FBXW11: variants seen among roughly 807,000 people sequenced by gnomAD.
FBXW11 encodes the protein F-box/WD repeat-containing protein 11.
Under a neutral mutation model 77.6 loss-of-function variants are expected in FBXW11, and 19 were observed. The observed-to-expected ratio is 0.24, with a 90% confidence interval of 0.17 to 0.36. The LOEUF (loss-of-function observed/expected upper bound fraction) is 0.36, where lower values mean the gene tolerates loss of function less well. Ranked by LOEUF, FBXW11 falls within the 10% of genes least tolerant of loss-of-function variation. The pLI is 1.00. For missense variants in FBXW11, 334 were observed against 704.2 expected (o/e 0.47, Z 5.95); for synonymous variants, 235 against 249.4 (o/e 0.94, Z 0.54).
rs12517985 is a variant in FBXW11, at chr5:171,911,728, A to G, written c.211-931T>C. Among the ~76,000 whole-genome samples the G allele has an allele frequency of 8.4e-3, 1,277 of 152,310 alleles. 49 individuals carry two copies. The highest frequency in any genetic ancestry group is 0.056 in the Admixed American group (856 of 15,284). On this transcript the variant is annotated intron_variant, in intron 3 of 13. Transcript: ENST00000517395. ...TATACTAACAATGCATTTCTCATCA[A>G]ATCTTCCTACAAGTCCTTACATAAA... is the stretch of plus-strand genomic sequence containing the variant.
At chr5:171,891,767 T>C (rs138607157) in intron 6 of FBXW11, among the ~76,000 whole-genome samples, 163 bp from the exon 7 acceptor site, 43 of 152,008 alleles carry the variant, frequency 2.8e-4, no homozygotes, top group African/African-American at 8.4e-4. Flanking sequence ...AGTAAGACAT[T>C]AACCCAACAA....
At chr5:171,890,096 A>C (rs1759230492) in intron 7 of FBXW11, among the ~76,000 whole-genome samples, 2 of 152,224 alleles carry the variant, frequency 1.3e-5, no homozygotes, top group African/African-American at 4.8e-5. Context: ...ATGGCAGGTA[A>C]GCACATAAAA....
chr5:172,005,741 G>A (rs748020919), intron 1 of FBXW11, among the ~76,000 whole-genome samples: 1 of 152,088 alleles, frequency 6.6e-6, no homozygotes, highest in Non-Finnish European at 1.5e-5. Context: ...AAGCAGCTCT[G>A]GAAAACGTGA....
chr5:171,901,376 G>A (rs1381314483), intron 4 of FBXW11, among the ~76,000 whole-genome samples: 2 of 152,222 alleles, frequency 1.3e-5, no homozygotes, highest in African/African-American at 4.8e-5. Context: ...ATAAGATTAC[G>A]ATAATCTCTA....
intron 2 of FBXW11, among the ~76,000 whole-genome samples, chr5:171,942,509 G>A (rs957482162): frequency 2.6e-5 from 4 of 152,168 alleles, no homozygotes; most frequent in Non-Finnish European, 5.9e-5. Context: ...AGCGATTGCT[G>A]TTTTCTCATT....
intron 2 of FBXW11, among the ~76,000 whole-genome samples, chr5:171,946,248 T>C (rs189249484): frequency 6.6e-6 from 1 of 152,186 alleles, no homozygotes; most frequent in Non-Finnish European, 1.5e-5. Context: ...TCCTAAAATA[T>C]CTATCTACTA....
chr5:171,987,055 T>C (rs553765597), intron 1 of FBXW11, among the ~76,000 whole-genome samples: 23 of 152,314 alleles, frequency 1.5e-4, no homozygotes, highest in Admixed American at 3.9e-4. Flanking sequence ...GGGATCTACG[T>C]TGCATGCTCT....
At chr5:171,911,741 G>C (rs1210852162) in intron 3 of FBXW11, among the ~76,000 whole-genome samples, 3 of 152,124 alleles carry the variant, frequency 2.0e-5, no homozygotes, top group African/African-American at 7.2e-5. Flanking sequence ...CTTCCTACAA[G>C]TCCTTACATA....
At chr5:171,959,243 A>G (rs896142629) in intron 1 of FBXW11, among the ~76,000 whole-genome samples, 10 of 152,092 alleles carry the variant, frequency 6.6e-5, no homozygotes, top group Non-Finnish European at 1.2e-4. Flanking sequence ...CAGTGGCAAT[A>G]TATCATTGAA....
At chr5:171,997,037 C>G in intron 1 of FBXW11, 2 of 1,289,856 alleles carry the variant, frequency 1.6e-6, no homozygotes, top group Middle Eastern at 2.1e-4. Flanking sequence ...AAATCCCAAA[C>G]ATGCACTTCG....
chr5:171,977,219 C>T (rs769371104), intron 1 of FBXW11, among the ~76,000 whole-genome samples: 9 of 149,652 alleles, frequency 6.0e-5, no homozygotes, highest in Non-Finnish European at 8.9e-5. Context: ...ACGTGTGGAT[C>T]GCTTGAACCC....
chr5:172,001,777 T>C (rs1047151638), intron 1 of FBXW11, among the ~76,000 whole-genome samples: 2 of 152,204 alleles, frequency 1.3e-5, no homozygotes, highest in African/African-American at 4.8e-5. Context: ...AGGACTTCAT[T>C]AGCATAAATG....
At chr5:171,961,374 A>T (rs1452924056) in intron 1 of FBXW11, among the ~76,000 whole-genome samples, 1 of 152,210 alleles carries the variant, frequency 6.6e-6, no homozygotes, top group East Asian at 1.9e-4. Context: ...ACAACTGCTT[A>T]CTTTCACACT....
intron 2 of FBXW11, among the ~76,000 whole-genome samples, chr5:171,947,766 A>G (rs1254863254): frequency 6.6e-6 from 1 of 152,098 alleles, no homozygotes; most frequent in Non-Finnish European, 1.5e-5. Flanking sequence ...AAATTTAAAA[A>G]TTAGCCAGGA....
At chr5:171,889,268 C>T (rs1759136718) in intron 7 of FBXW11, among the ~76,000 whole-genome samples, 1 of 152,174 alleles carries the variant, frequency 6.6e-6, no homozygotes, top group South Asian at 2.1e-4. Context: ...TGGCTCACGC[C>T]TGTAATCTCA....
At chr5:171,930,729 T>A (rs1474037684) in intron 2 of FBXW11, among the ~76,000 whole-genome samples, 43 of 59,178 alleles carry the variant, frequency 7.3e-4, no homozygotes, top group Admixed American at 8.9e-4. Flanking sequence ...ATAAAAAAAA[T>A]AAATAAAAAA....
At chr5:171,980,790 T>C (rs1180316344) in intron 1 of FBXW11, among the ~76,000 whole-genome samples, 2 of 152,104 alleles carry the variant, frequency 1.3e-5, no homozygotes, top group African/African-American at 2.4e-5. Context: ...AAAATATACA[T>C]CTTGTGACAT....
At chr5:171,961,648 G>GA (rs1322690552) in intron 1 of FBXW11, among the ~76,000 whole-genome samples, 2 of 136,628 alleles carry the variant, frequency 1.5e-5, no homozygotes, top group Non-Finnish European at 3.0e-5. Context: ...AACAGTAATT[G>GA]ATTTTTTTTT....
chr5:171,883,671 C>T (rs1264189384), intron 7 of FBXW11, among the ~76,000 whole-genome samples: 1 of 152,108 alleles, frequency 6.6e-6, no homozygotes, highest in Non-Finnish European at 1.5e-5. Context: ...TTATTATGGC[C>T]ATTCTTGCAG....
Sources: allele counts gnomAD v4.1 joint callset (sites outside exome capture counted in the v4.1 genomes callset), GRCh38; gene constraint gnomAD v4.1.1; transcripts MANE v1.5; gene names NCBI Gene and HGNC (gene_info 2026-07-23, HGNC 2026-07-21).